The following RRM2 variants were observed in gnomAD, a reference collection of about 807,000 sequenced individuals.
RRM2 encodes the protein ribonucleoside-diphosphate reductase subunit M2.
Under a neutral mutation model 45.9 loss-of-function variants are expected in RRM2, and 6 were observed. That is an observed-to-expected ratio of 0.13 (90% CI 0.07 to 0.26). The LOEUF is 0.26. Among genes scored for constraint, RRM2 ranks in the 10% least tolerant of loss-of-function variants. RRM2 has a pLI of 1.00. For synonymous variants in RRM2, 177 were observed against 173.0 expected (o/e 1.02, Z -0.18); for missense variants, 343 against 489.5 (o/e 0.70, Z 2.82).
chr2:10,152,644 G>A (rs1663338028), intron 3 of RRM2, among the ~76,000 whole-genome samples: 1 of 151,836 alleles, frequency 6.6e-6, no homozygotes, highest in Non-Finnish European at 1.5e-5. Flanking sequence ...AAGCATGTGT[G>A]GTTAATTTTT....
chr2:10,195,741 C>T lies in RRM2; in HGVS notation n.483-14570C>T, dbSNP rs1466486168. ...GTGTTCTTGGGCCTCAGGGACGTGT[C>T]GTGACTGGCTGAAGGCTGTCACGGT... On this transcript the variant is annotated intron_variant and non_coding_transcript_variant, in intron 3 of 3. Transcript: ENST00000381786. This position sits in a 1 kb window ranked among gnomAD's most constrained non-coding sequence, Gnocchi z 4.9. Among the ~76,000 whole-genome samples, 3 of 152,010 alleles carry T rather than the reference C, an allele frequency of 2.0e-5. No homozygotes were observed. The highest frequency in any genetic ancestry group is 4.8e-5 in the African/African-American group (2 of 41,372).
chr2:10,183,290 C>A (rs1376598210), intron 3 of RRM2, among the ~76,000 whole-genome samples: 1 of 152,222 alleles, frequency 6.6e-6, no homozygotes, highest in Non-Finnish European at 1.5e-5. Context: ...GATTTTATGT[C>A]CCTCAGGACT....
intron 4 of RRM2, 51 bp from the exon 5 acceptor site, chr2:10,124,666 T>G: frequency 6.2e-7 from 1 of 1,608,046 alleles, no homozygotes; most frequent in Admixed American, 1.7e-5. Flanking sequence ...CGTTGACAGT[T>G]GCTGCTGTTG....
intron 5 of RRM2, among the ~76,000 whole-genome samples, chr2:10,126,162 TAAAAAAAAAAAAAAA>T (rs532815964): frequency 2.7e-4 from 24 of 89,362 alleles, no homozygotes; most frequent in African/African-American, 1.0e-3. Flanking sequence ...CTCATCTCTT[TAAAAAAAAAAAAAAA>T]AAAAAAAAAA....
intron 3 of RRM2, among the ~76,000 whole-genome samples, chr2:10,170,812 C>T (rs2125322157): frequency 6.6e-6 from 1 of 152,322 alleles, no homozygotes; most frequent in South Asian, 2.1e-4. Context: ...CGCCCCCGCC[C>T]CCAGCCACAG....
At chr2:10,189,030 C>G (rs1006138477) in intron 3 of RRM2, among the ~76,000 whole-genome samples, 1 of 152,224 alleles carries the variant, frequency 6.6e-6, no homozygotes, top group African/African-American at 2.4e-5. Context: ...TCAGGCCACA[C>G]AGTCACTGGT....
At chr2:10,191,621 T>C (rs551258458) in intron 3 of RRM2, among the ~76,000 whole-genome samples, 25 of 152,032 alleles carry the variant, frequency 1.6e-4, no homozygotes, top group Non-Finnish European at 2.1e-4. Context: ...GAGAAGGCAA[T>C]TGGGGCCTTC....
At chr2:10,182,136 G>A (rs1664072548) in intron 3 of RRM2, among the ~76,000 whole-genome samples, 1 of 151,948 alleles carries the variant, frequency 6.6e-6, no homozygotes, top group Non-Finnish European at 1.5e-5. Context: ...GGATCAGTTT[G>A]AGACCAGCCT....
At chr2:10,135,640 ATAAACT>A (rs1375012427), downstream of RRM2, among the ~76,000 whole-genome samples, 1 of 152,202 alleles carries the variant, frequency 6.6e-6, no homozygotes, top group Non-Finnish European at 1.5e-5. Flanking sequence ...GTAGATGTAA[ATAAACT>A]TAAGAGTTAA....
At chr2:10,140,357 GT>G (rs1311728938), upstream of RRM2, among the ~76,000 whole-genome samples, 1 of 152,246 alleles carries the variant, frequency 6.6e-6, no homozygotes, top group African/African-American at 2.4e-5. Context: ...AGCCACACTT[GT>G]TTGTTTACGT....
intron 2 of RRM2, chr2:10,142,034 G>C (rs1663095118): frequency 1.3e-6 from 2 of 1,587,972 alleles, no homozygotes; most frequent in South Asian, 2.3e-5. Context: ...TCTTTCATGT[G>C]GGGAGCCAGA....
chr2:10,168,875 C>G (rs56242386), intron 3 of RRM2, among the ~76,000 whole-genome samples: 16,437 of 152,246 alleles, frequency 0.11, 993 homozygotes, highest in African/African-American at 0.16. Flanking sequence ...GGCAGTGGCT[C>G]CCAACTCCCA....
chr2:10,195,567 C>G lies in RRM2; in HGVS notation n.483-14744C>G, dbSNP rs904925883. On this transcript the variant is annotated intron_variant and non_coding_transcript_variant, in intron 3 of 3. Coordinates refer to the RRM2 transcript ENST00000381786. This position sits in a 1 kb window ranked among gnomAD's most constrained non-coding sequence, Gnocchi z 4.9. ...GAGAGGGTGTGGGAGAGAGGAGCAT[C>G]CCAGGCAAAGTGAGCCGCGTTTACC... Among the ~76,000 whole-genome samples, 1 of 152,164 alleles carries G rather than the reference C, an allele frequency of 6.6e-6. No individual in the cohort carries two copies. The highest frequency in any genetic ancestry group is 2.4e-5 in the African/African-American group (1 of 41,446).
At chr2:10,210,432 A>G in exon 4 of RRM2, 1 of 1,367,836 alleles carries the variant, frequency 7.3e-7, no homozygotes, top group Non-Finnish European at 9.8e-7. Flanking sequence ...AGACAGGGAC[A>G]CCCCTGGAGC....
In RRM2 at chr2:10,195,815, C is replaced by T. The variant is rs1664403310; in HGVS notation, n.483-14496C>T. On this transcript the variant is annotated intron_variant and non_coding_transcript_variant, in intron 3 of 3. Transcript: ENST00000381786. This position sits in a 1 kb window ranked among gnomAD's most constrained non-coding sequence, Gnocchi z 4.9. ...ACAGGTAAGTAGTGACCTGGCCTGG[C>T]CGATGCTGTGTTAGGATAAACGTGC... Among the ~76,000 whole-genome samples the T allele has an allele frequency of 6.6e-6, 1 of 152,152 alleles. No individual in the cohort carries two copies. The highest frequency in any genetic ancestry group is 2.4e-5 in the African/African-American group (1 of 41,432).
Position 10,181,115 on chromosome 2 carries a change from CTAGTATGATTTATA to C in RRM2, n.483-29191_483-29178del, listed in dbSNP as rs372403389. On this transcript the variant is annotated intron_variant and non_coding_transcript_variant, in intron 3 of 3. Transcript: ENST00000381786. Reference sequence around the variant, plus strand: ...ATAACCACCACCACTGTGATCATAACTAGTATGATTTATATAGTTTGTATTCTCTGCTGGACACT... The same window carrying C: ...ATAACCACCACCACTGTGATCATAACTAGTTTGTATTCTCTGCTGGACACT... Among the ~76,000 whole-genome samples the C allele has an allele frequency of 8.2e-3, 1,252 of 152,298 alleles. 20 individuals are homozygous for C. The highest frequency in any genetic ancestry group is 0.028 in the African/African-American group (1,178 of 41,564).
chr2:10,168,074 A>T (rs1289190787), intron 3 of RRM2, among the ~76,000 whole-genome samples: 1 of 138,502 alleles, frequency 7.2e-6, no homozygotes, highest in Non-Finnish European at 1.5e-5. Flanking sequence ...AAATCCTGCT[A>T]GGTTGGTTTA....
intron 2 of RRM2, chr2:10,142,141 G>C: frequency 6.5e-7 from 1 of 1,546,218 alleles, no homozygotes; most frequent in Non-Finnish European, 8.8e-7. Context: ...TGGCAGGCGC[G>C]TCTGTGAGTG....
At chr2:10,200,308 A>T (rs566668149) in intron 3 of RRM2, among the ~76,000 whole-genome samples, 1 of 152,228 alleles carries the variant, frequency 6.6e-6, no homozygotes, top group African/African-American at 2.4e-5. Flanking sequence ...GAATTCTTCC[A>T]CTCTTGAGGC....
Sources: allele counts gnomAD v4.1 joint callset (sites outside exome capture counted in the v4.1 genomes callset), GRCh38; gene constraint gnomAD v4.1.1; non-coding constraint Gnocchi (gnomAD v3.1); transcripts MANE v1.5; gene names NCBI Gene and HGNC (gene_info 2026-07-23, HGNC 2026-07-21).